Variants in ST6GAL1 observed in about 807,000 individuals in gnomAD.
ST6GAL1 encodes ST6 beta-galactoside alpha-2,6-sialyltransferase 1.
Under a neutral mutation model 38.0 loss-of-function variants are expected in ST6GAL1, and 20 were observed. The ratio of observed to expected loss-of-function variants is 0.53; its 90% CI spans 0.37 to 0.77. ST6GAL1 has a LOEUF of 0.77. ST6GAL1 is among the 30% of genes least tolerant of loss of function. The pLI, the probability that ST6GAL1 is intolerant of heterozygous loss-of-function variation, is 0.00. For synonymous variants in ST6GAL1, 196 were observed against 188.2 expected, an observed-to-expected ratio of 1.04 and a Z score of -0.34; for missense variants, 432 against 496.4, an observed-to-expected ratio of 0.87 and a Z score of 1.23.
At chr3:187,013,416 G>A (rs1417127655) in intron 2 of ST6GAL1, among the ~76,000 whole-genome samples, 2 of 152,170 alleles carry the variant, frequency 1.3e-5, no homozygotes, top group African/African-American at 4.8e-5. Context: ...TTTGGTTGGA[G>A]AGCTGGAGGA....
intron 2 of ST6GAL1, among the ~76,000 whole-genome samples, chr3:186,966,721 T>C (rs1433547124): frequency 6.6e-6 from 1 of 152,170 alleles, no homozygotes; most frequent in Non-Finnish European, 1.5e-5. Flanking sequence ...TATAGTGTAG[T>C]CCTCTCATTC....
At position 186,987,195 on chromosome 3, in the gene ST6GAL1, G is replaced by GGAGA. The variant is rs1305877028; in HGVS notation, c.-183+23272_-183+23273insAGAG. ...GAAAGAGAGACAGGGAGGGAGGGAG[G>GGAGA]GAGGGAAGGAAAGAAAAGGAAAGAA... On this transcript the variant is annotated intron_variant, in intron 2 of 7. Transcript: ENST00000169298. Among the ~76,000 whole-genome samples the GGAGA allele has an allele frequency of 1.7e-3, 205 of 120,964 alleles. 3 individuals are homozygous for GGAGA. Among genetic ancestry groups the GGAGA allele is most frequent in the African/African-American group, 6.3e-3 (190 of 30,022 alleles). 79.4% of individuals were successfully genotyped at this position (120,964 alleles called of 152,430 possible).
At chr3:187,001,967 A>AC (rs1038191835) in intron 2 of ST6GAL1, among the ~76,000 whole-genome samples, 2 of 151,386 alleles carry the variant, frequency 1.3e-5, no homozygotes, top group East Asian at 3.9e-4. Context: ...AAAAAAAAAA[A>AC]AAAACCCAAA....
At chr3:187,039,333 T>C (rs1191642726) in intron 3 of ST6GAL1, among the ~76,000 whole-genome samples, 1 of 152,192 alleles carries the variant, frequency 6.6e-6, no homozygotes, top group East Asian at 1.9e-4. Context: ...ATTGCATCAG[T>C]TCAATAATCT....
At chr3:187,054,957 T>C (rs1373622535) in intron 5 of ST6GAL1, among the ~76,000 whole-genome samples, 1 of 152,204 alleles carries the variant, frequency 6.6e-6, no homozygotes, top group African/African-American at 2.4e-5. Flanking sequence ...GGCTATTAGT[T>C]ATTGCCTCAA....
chr3:186,944,299 G>A (rs866497626), intron 1 of ST6GAL1, among the ~76,000 whole-genome samples: 2 of 152,322 alleles, frequency 1.3e-5, no homozygotes, highest in South Asian at 2.1e-4. Flanking sequence ...CTGGAGGAAC[G>A]TGGGGTAATG....
intron 2 of ST6GAL1, among the ~76,000 whole-genome samples, chr3:186,997,682 G>T (rs1197698245): frequency 6.6e-6 from 1 of 151,392 alleles, no homozygotes; most frequent in African/African-American, 2.4e-5. Context: ...ACTTGAGCCT[G>T]CGAGATCGAG....
intron 2 of ST6GAL1, among the ~76,000 whole-genome samples, chr3:187,030,032 G>A (rs974552190): frequency 2.0e-4 from 30 of 151,160 alleles, no homozygotes; most frequent in African/African-American, 6.7e-4. Flanking sequence ...TACAACTCTG[G>A]GAGTGAGTGG....
chr3:187,051,842 G>A (rs1718526628), intron 5 of ST6GAL1, among the ~76,000 whole-genome samples: 1 of 152,134 alleles, frequency 6.6e-6, no homozygotes, highest in South Asian at 2.1e-4. Context: ...GGTTCCCGGA[G>A]TATTTTCAGG....
rs1273914698 is a variant in ST6GAL1, at chr3:187,072,965, G to T, written c.804+18G>T. The T allele has an allele frequency of 6.3e-7, 1 of 1,581,756 alleles. No homozygotes were observed. The highest frequency in any genetic ancestry group is 8.7e-7 in the Non-Finnish European group (1 of 1,150,962). On this transcript the variant is annotated intron_variant, in intron 6 of 7. Coordinates refer to ENST00000169298, the MANE Select transcript of ST6GAL1 (RefSeq NM_173216.2). ...TCCCAAAGGTAAGTGGGTGTCCGTG[G>T]GAAATAGGGGTTGAGTTTCCTGTCT...
intron 1 of ST6GAL1, among the ~76,000 whole-genome samples, chr3:186,950,994 C>G (rs947103918): frequency 3.3e-5 from 5 of 152,250 alleles, no homozygotes; most frequent in African/African-American, 1.2e-4. Flanking sequence ...TCTTTGAACA[C>G]CATACCTACT....
At chr3:187,014,090 G>A (rs1230453189) in intron 2 of ST6GAL1, among the ~76,000 whole-genome samples, 1 of 152,158 alleles carries the variant, frequency 6.6e-6, no homozygotes. Context: ...CATTTATTAA[G>A]CACCTGGCAT....
intron 2 of ST6GAL1, among the ~76,000 whole-genome samples, chr3:187,020,387 A>C (rs1363420947): frequency 6.6e-6 from 1 of 152,218 alleles, no homozygotes; most frequent in African/African-American, 2.4e-5. Context: ...TCTGAGTTTC[A>C]ATTTCTTTAT....
At chr3:187,053,609 A>G (rs1718588755) in intron 5 of ST6GAL1, among the ~76,000 whole-genome samples, 1 of 152,142 alleles carries the variant, frequency 6.6e-6, no homozygotes, top group Admixed American at 6.5e-5. Context: ...AGATGGTTGT[A>G]GATGTGTGGT....
chr3:187,020,440 G>A (rs1160837467), intron 2 of ST6GAL1, among the ~76,000 whole-genome samples: 1 of 152,206 alleles, frequency 6.6e-6, no homozygotes, highest in East Asian at 1.9e-4. Context: ...CAGGGTGGTG[G>A]TAAGAATTAA....
At chr3:187,031,597 C>G (rs1407604628) in intron 2 of ST6GAL1, among the ~76,000 whole-genome samples, 1 of 151,922 alleles carries the variant, frequency 6.6e-6, no homozygotes, top group Non-Finnish European at 1.5e-5. Flanking sequence ...CACCACGCCC[C>G]GCTAGTTTTG....
intron 1 of ST6GAL1, among the ~76,000 whole-genome samples, chr3:186,954,314 T>C (rs999906302): frequency 5.3e-5 from 8 of 152,344 alleles, no homozygotes; most frequent in East Asian, 1.9e-4. Context: ...ATCTTTATAA[T>C]AGAAGGATTT....
intron 5 of ST6GAL1, among the ~76,000 whole-genome samples, chr3:187,061,525 T>C (rs186352669): frequency 5.7e-4 from 87 of 152,092 alleles, no homozygotes; most frequent in South Asian, 4.4e-3. Context: ...GACAAACATA[T>C]AAACCATTGG....
chr3:187,048,145 G>C (rs900218759), intron 4 of ST6GAL1, among the ~76,000 whole-genome samples: 1 of 151,952 alleles, frequency 6.6e-6, no homozygotes, highest in Admixed American at 6.5e-5. Context: ...AGGTTTCACT[G>C]TGTTAGCCAG....
Sources: gnomAD v4.1 joint callset for allele counts (sites outside exome capture counted in the v4.1 genomes callset) on GRCh38, gnomAD v4.1.1 for gene constraint, MANE v1.5 for transcripts, NCBI Gene and HGNC (gene_info 2026-07-23, HGNC 2026-07-21) for gene names.